Variants in RBFOX1 observed in about 807,000 individuals in gnomAD.
RBFOX1 encodes the protein RNA binding fox-1 homolog 1.
RBFOX1 carries 8 observed loss-of-function variants against 57.7 expected under a neutral mutation model. The observed-to-expected ratio is 0.14, with a 90% CI of 0.08 to 0.25. The LOEUF is 0.25. RBFOX1 is among the 10% of genes least tolerant of loss of function. The pLI is 1.00. For synonymous variants in RBFOX1, 326 were observed against 222.4 expected, an observed-to-expected ratio of 1.47 and a Z score of -4.15; for missense variants, 611 against 548.5, an observed-to-expected ratio of 1.11 and a Z score of -1.14.
chr16:5,689,870 A>T (rs2050618334), intron 3 of RBFOX1, among the ~76,000 whole-genome samples: 1 of 152,198 alleles, frequency 6.6e-6, no homozygotes, highest in Non-Finnish European at 1.5e-5. Flanking sequence ...AAGGAAGGGA[A>T]TGAACTGTTT....
At chr16:6,583,244 T>C (rs946177532) in intron 2 of RBFOX1, among the ~76,000 whole-genome samples, 4 of 152,182 alleles carry the variant, frequency 2.6e-5, no homozygotes, top group African/African-American at 9.7e-5. Context: ...CCGGGGCACA[T>C]GGCACTCATT....
chr16:6,802,933 A>G (rs1192785976), intron 3 of RBFOX1, among the ~76,000 whole-genome samples: 1 of 152,178 alleles, frequency 6.6e-6, no homozygotes, highest in Non-Finnish European at 1.5e-5. Context: ...TTAAATATTT[A>G]TTGAAGAGGG....
At chr16:5,528,643 G>A (rs1012164724) in intron 2 of RBFOX1, among the ~76,000 whole-genome samples, 18 of 129,750 alleles carry the variant, frequency 1.4e-4, no homozygotes, top group Admixed American at 4.8e-4. Flanking sequence ...TCCCTTCTCC[G>A]CTTCCCCCCT....
intron 4 of RBFOX1, among the ~76,000 whole-genome samples, chr16:7,393,989 C>T (rs1255037301): frequency 1.3e-5 from 2 of 151,882 alleles, no homozygotes; most frequent in Non-Finnish European, 1.5e-5. Flanking sequence ...TAATCCTAGC[C>T]CTTTGGGAGT....
chr16:7,084,612 C>T (rs747519314), intron 4 of RBFOX1, among the ~76,000 whole-genome samples: 10 of 152,166 alleles, frequency 6.6e-5, no homozygotes, highest in African/African-American at 1.2e-4. Flanking sequence ...TAAAGGATTT[C>T]AGAGGTGGTG....
In RBFOX1 at chr16:5,907,296, C is replaced by T. The variant is rs984600785; in HGVS notation, c.351+39961C>T. Among the ~76,000 whole-genome samples, 14 of 152,024 alleles carry T rather than the reference C, an allele frequency of 9.2e-5. No individual in the cohort carries two copies. In the East Asian group the frequency reaches 1.2e-3, roughly 13 times the overall value. ...CATCCTGCCTCATCCTCTGTGCATG[C>T]CCCTGGACCAGGATCTTCTAGATTT... On this transcript the variant is annotated intron_variant, in intron 4 of 19. Coordinates refer to the RBFOX1 transcript ENST00000641259.
At chr16:5,955,351 TAAATAAAAATAAAATAA>T (rs1198829527) in intron 4 of RBFOX1, among the ~76,000 whole-genome samples, 1 of 78,926 alleles carries the variant, frequency 1.3e-5, no homozygotes, top group Non-Finnish European at 2.4e-5. Flanking sequence ...TAAAATAAAA[TAAATAAAAATAAAATAA>T]AATAAAATAA....
rs147893594 is a variant in RBFOX1 at position 7,328,035 on chromosome 16, C to T, written c.28-190112C>T. On this transcript the variant is annotated intron_variant, in intron 4 of 15. Coordinates refer to ENST00000550418, the MANE Select transcript of RBFOX1 (RefSeq NM_018723.4). ...TCATTGACGTCTAAACTTTGAGAGG[C>T]TACCACTCAGAAGGGCCAGTCACTT... is the stretch of plus-strand genomic sequence containing the variant. 3.0e-4 allele frequency among the ~76,000 whole-genome samples: 45 copies of T among 152,262 alleles called. 1 individual carries two copies. The highest frequency in any genetic ancestry group is 7.2e-4 in the Admixed American group (11 of 15,292).
At chr16:6,801,809 A>C (rs1041902725) in intron 3 of RBFOX1, among the ~76,000 whole-genome samples, 13 of 152,138 alleles carry the variant, frequency 8.5e-5, no homozygotes, top group Non-Finnish European at 1.9e-4. Flanking sequence ...AGTTTTCCAA[A>C]GATTATATAC....
intron 2 of RBFOX1, among the ~76,000 whole-genome samples, chr16:6,642,780 T>C (rs1032894890): frequency 2.6e-5 from 4 of 152,120 alleles, no homozygotes; most frequent in African/African-American, 9.7e-5. Flanking sequence ...TAAGAAGATA[T>C]TTACTGTCAG....
chr16:7,511,796 G>T (rs1167648346), intron 4 of RBFOX1, among the ~76,000 whole-genome samples: 2 of 152,102 alleles, frequency 1.3e-5, no homozygotes, highest in Admixed American at 6.6e-5. Context: ...GGACAAGGAA[G>T]TTTCTTCTCT....
intron 3 of RBFOX1, among the ~76,000 whole-genome samples, chr16:5,613,126 G>C (rs2047883410): frequency 6.6e-6 from 1 of 152,150 alleles, no homozygotes; most frequent in Non-Finnish European, 1.5e-5. Flanking sequence ...AGGTTTCTTT[G>C]AGGGGCCTCA....
At chr16:6,673,693 G>T (rs911374664) in intron 3 of RBFOX1, among the ~76,000 whole-genome samples, 2 of 152,208 alleles carry the variant, frequency 1.3e-5, no homozygotes, top group East Asian at 1.9e-4. Context: ...GATGGGTTCT[G>T]TGACCCATGT....
chr16:7,383,903 A>C (rs1233445777), intron 4 of RBFOX1, among the ~76,000 whole-genome samples: 2 of 152,014 alleles, frequency 1.3e-5, no homozygotes, highest in African/African-American at 4.8e-5. Context: ...AAATACAAAA[A>C]ATTAGCTGGG....
chr16:5,906,561 A>G (rs1254476829), intron 4 of RBFOX1, among the ~76,000 whole-genome samples: 3 of 151,932 alleles, frequency 2.0e-5, no homozygotes, highest in Admixed American at 6.6e-5. Flanking sequence ...GCAGGACTTT[A>G]TTATGGCAGC....
chr16:6,202,566 G>A (rs1000311126), intron 1 of RBFOX1, among the ~76,000 whole-genome samples: 1 of 152,006 alleles, frequency 6.6e-6, no homozygotes, highest in African/African-American at 2.4e-5. Context: ...TCCCTGTTGG[G>A]TCAGTTTCTT....
At chr16:7,565,168 T>C (rs1185925570) in intron 5 of RBFOX1, among the ~76,000 whole-genome samples, 1 of 152,140 alleles carries the variant, frequency 6.6e-6, no homozygotes, top group African/African-American at 2.4e-5. Flanking sequence ...TTATTACTTT[T>C]AATGGAAAAT....
At chr16:7,683,996 A>C (rs1046468098) in intron 14 of RBFOX1, among the ~76,000 whole-genome samples, 16 of 152,130 alleles carry the variant, frequency 1.1e-4, no homozygotes, top group African/African-American at 3.9e-4. Flanking sequence ...TAGGTAGTAT[A>C]CTATGGATGG....
intron 4 of RBFOX1, among the ~76,000 whole-genome samples, chr16:7,383,885 T>C (rs1327324813): frequency 1.3e-5 from 2 of 151,906 alleles, no homozygotes; most frequent in Non-Finnish European, 2.9e-5. Flanking sequence ...TGAAATACCA[T>C]CTACTAAAAA....
Sources: gnomAD v4.1 joint callset for allele counts (sites outside exome capture counted in the v4.1 genomes callset) on GRCh38, gnomAD v4.1.1 for gene constraint, MANE v1.5 for transcripts, NCBI Gene and HGNC (gene_info 2026-07-23, HGNC 2026-07-21) for gene names.